EFCAB6: variants seen among roughly 807,000 people sequenced by gnomAD.
The protein encoded by EFCAB6 is EF-hand calcium-binding domain-containing protein 6.
In EFCAB6, 156 loss-of-function variants were observed where a neutral mutation model predicts 169.8. The observed-to-expected ratio is 0.92, with a 90% CI of 0.81 to 1.05. The LOEUF is 1.05. Among genes scored for constraint, EFCAB6 ranks in the 50% least tolerant of loss-of-function variants. EFCAB6 has a pLI of 0.00. For synonymous variants in EFCAB6, 698 were observed against 676.4 expected (o/e 1.03, Z -0.50); for missense variants, 1,800 against 1,829.1 (o/e 0.98, Z 0.29).
At chr22:43,701,598 T>C (rs1390265507) in intron 10 of EFCAB6, among the ~76,000 whole-genome samples, 2 of 145,750 alleles carry the variant, frequency 1.4e-5, no homozygotes, top group African/African-American at 2.4e-5. Flanking sequence ...AAACAGACAC[T>C]AAAAACAATG....
intron 13 of EFCAB6, among the ~76,000 whole-genome samples, chr22:43,676,629 A>G (rs1173632487): frequency 6.6e-6 from 1 of 152,164 alleles, no homozygotes; most frequent in Non-Finnish European, 1.5e-5. Flanking sequence ...GTAATCACAA[A>G]ACATTTGAAT....
chr22:43,784,582 CATATATATGTATATATACACAT>C (rs1432844222), intron 2 of EFCAB6, among the ~76,000 whole-genome samples: 4 of 59,200 alleles, frequency 6.8e-5, no homozygotes, highest in African/African-American at 2.8e-4. Flanking sequence ...TACATATACA[CATATATATGTATATATACACAT>C]ATATATGTGT....
chr22:43,571,107 C>A (rs574248922), intron 26 of EFCAB6, among the ~76,000 whole-genome samples: 1 of 152,334 alleles, frequency 6.6e-6, no homozygotes, highest in East Asian at 1.9e-4. Flanking sequence ...ATCATTTTCA[C>A]GTGCTGCTGT....
intron 2 of EFCAB6, among the ~76,000 whole-genome samples, chr22:43,801,660 T>C (rs2062720189): frequency 6.6e-6 from 1 of 152,074 alleles, no homozygotes; most frequent in Non-Finnish European, 1.5e-5. Flanking sequence ...AGATGAGCTG[T>C]CATCTTTTTA....
At chr22:43,740,397 C>A (rs894608189) in intron 6 of EFCAB6, among the ~76,000 whole-genome samples, 2 of 152,180 alleles carry the variant, frequency 1.3e-5, no homozygotes, top group African/African-American at 4.8e-5. Context: ...CTCCTCCTCA[C>A]CTGCCTGGAA....
At chr22:43,689,879 T>C (rs1233107570) in intron 10 of EFCAB6, among the ~76,000 whole-genome samples, 1 of 152,162 alleles carries the variant, frequency 6.6e-6, no homozygotes, top group Non-Finnish European at 1.5e-5. Flanking sequence ...CATGACTAAA[T>C]TAAGTCTCTT....
chr22:43,734,180 A>G (rs1284943467), intron 7 of EFCAB6, among the ~76,000 whole-genome samples: 2 of 152,212 alleles, frequency 1.3e-5, no homozygotes, highest in Admixed American at 1.3e-4. Context: ...GAAAGCTGTT[A>G]GATAAAAGAG....
chr22:43,678,442 A>C (rs2057869287), intron 12 of EFCAB6, among the ~76,000 whole-genome samples: 1 of 151,460 alleles, frequency 6.6e-6, no homozygotes, highest in Non-Finnish European at 1.5e-5. Context: ...GTGAGCAATG[A>C]GGCCCATTTC....
At chr22:43,769,947 C>T (rs1254775821) in intron 4 of EFCAB6, among the ~76,000 whole-genome samples, 2 of 151,986 alleles carry the variant, frequency 1.3e-5, no homozygotes, top group Non-Finnish European at 2.9e-5. Context: ...CTCTGCCTCC[C>T]GGGTTCAAGC....
chr22:43,806,490 C>T (rs67450584), intron 2 of EFCAB6, among the ~76,000 whole-genome samples: 20,118 of 152,028 alleles, frequency 0.13, 1,474 homozygotes, highest in South Asian at 0.22. Context: ...AAGTGATTCT[C>T]CCACCTCAGC....
intron 6 of EFCAB6, among the ~76,000 whole-genome samples, chr22:43,738,490 C>T (rs538736702): frequency 6.0e-5 from 9 of 149,452 alleles, no homozygotes; most frequent in Non-Finnish European, 1.3e-4. Flanking sequence ...CACACACACA[C>T]ATGCACATAT....
At chr22:43,565,291 C>T (rs1315081904) in intron 26 of EFCAB6, among the ~76,000 whole-genome samples, 1 of 152,198 alleles carries the variant, frequency 6.6e-6, no homozygotes, top group African/African-American at 2.4e-5. Context: ...TTAGCCCAGC[C>T]TAGATCAGCC....
intron 5 of EFCAB6, among the ~76,000 whole-genome samples, chr22:43,764,118 T>C (rs1041586745): frequency 6.6e-6 from 1 of 152,136 alleles, no homozygotes; most frequent in African/African-American, 2.4e-5. Context: ...ATAGGTATAC[T>C]GCCTAATGCT....
chr22:43,635,199 C>T lies in EFCAB6; in HGVS notation c.2001G>A (p.Gly667=), dbSNP rs1317993688. Residue 667 remains glycine, a synonymous_variant, in exon 18 of 32, where the codon GGG becomes GGA. Coordinates refer to ENST00000262726, the MANE Select transcript of EFCAB6 (RefSeq NM_022785.4). ...CATACTGATCATCGTCCATGGGCATCCCAGTGTCTTCCAGTACCTGACGAG... is the reference window on the plus strand; with the variant it reads ...CATACTGATCATCGTCCATGGGCATTCCAGTGTCTTCCAGTACCTGACGAG... The part of the protein sequence containing the change: ...HDFKKVLEDT[G]MPMDDDQYAL... The T allele has an allele frequency of 1.9e-6, 3 of 1,613,942 alleles. No individual in the cohort carries two copies. The highest frequency in any genetic ancestry group is 3.3e-5 in the Admixed American group (2 of 59,994).
Position 43,537,334 on chromosome 22 carries a change from G to C in EFCAB6, c.4048+43C>G, listed in dbSNP as rs1360701544. 6.2e-7 allele frequency: 1 copy of C among 1,600,362 alleles called. No individual in the cohort carries two copies. The highest frequency in any genetic ancestry group is 1.3e-5 in the African/African-American group (1 of 74,618). On this transcript the variant is annotated intron_variant, in intron 29 of 31. Transcript: ENST00000262726. The surrounding 1 kb of genome is among the most constrained non-coding windows in gnomAD (Gnocchi z 4.3). ...CCAGTGGGAACAGCCTCTTGCCACA[G>C]GGGCTGACCACATATTACCAAGCAG...
chr22:43,696,654 G>A (rs2058587152), intron 10 of EFCAB6, among the ~76,000 whole-genome samples: 1 of 152,140 alleles, frequency 6.6e-6, no homozygotes. Context: ...CAACAACATG[G>A]ATCAATCTTT....
At chr22:43,648,413 T>C (rs939361756) in intron 17 of EFCAB6, among the ~76,000 whole-genome samples, 1 of 152,194 alleles carries the variant, frequency 6.6e-6, no homozygotes, top group African/African-American at 2.4e-5. Context: ...TTGCACAACA[T>C]GGATGCAGCT....
At position 43,668,927 on chromosome 22, in the gene EFCAB6, G is replaced by C; in HGVS notation, c.1759C>G (p.Leu587Val). The change falls in exon 16 of 32, where the codon CTG (leucine) becomes GTG (valine). Residue 587 changes from leucine to valine, a missense_variant. Transcript: ENST00000262726. ...TCTTTTTGTAAATGTTCACTTAACA[G>C]CTGATCCTTTGGAACAAGAACTGGA... The part of the protein sequence containing the change: ...VSPVLVPKDQ[L>V]LSEHLQKDEQ... 1 of 1,612,474 alleles carries C rather than the reference G, an allele frequency of 6.2e-7. No homozygotes were observed. Among genetic ancestry groups the C allele is most frequent in the Non-Finnish European group, 8.5e-7 (1 of 1,179,250 alleles).
At chr22:43,766,047 G>GT (rs1442500702) in intron 4 of EFCAB6, among the ~76,000 whole-genome samples, 1 of 151,948 alleles carries the variant, frequency 6.6e-6, no homozygotes, top group African/African-American at 2.4e-5. Flanking sequence ...TTTTGTTTTT[G>GT]TTTTTTGAGA....
Sources: gnomAD v4.1 joint callset for allele counts (sites outside exome capture counted in the v4.1 genomes callset) on GRCh38, gnomAD v4.1.1 for gene constraint, Gnocchi (gnomAD v3.1) non-coding constraint, MANE v1.5 for transcripts, NCBI Gene and HGNC (gene_info 2026-07-23, HGNC 2026-07-21) for gene names.